PLCL1: variants seen among roughly 807,000 people sequenced by gnomAD.
The protein encoded by PLCL1 is phospholipase C like 1 (inactive).
A neutral mutation model predicts 84.4 loss-of-function variants in PLCL1; 41 were observed. That is an observed-to-expected ratio of 0.49 (90% CI 0.38 to 0.63). The LOEUF (loss-of-function observed/expected upper bound fraction) is 0.63, where lower values mean the gene tolerates loss of function less well. Among genes scored for constraint, PLCL1 ranks in the 30% least tolerant of loss-of-function variants. PLCL1 has a pLI of 0.00. For synonymous variants in PLCL1, 490 were observed against 488.3 expected (o/e 1.00, Z -0.05); for missense variants, 1,206 against 1,367.8 (o/e 0.88, Z 1.87).
chr2:197,836,322 C>T (rs1057261138), intron 1 of PLCL1, among the ~76,000 whole-genome samples: 1 of 151,654 alleles, frequency 6.6e-6, no homozygotes, highest in East Asian at 1.9e-4. Flanking sequence ...TGGTGGGCGC[C>T]TGTAGTCCCA....
intron 1 of PLCL1, among the ~76,000 whole-genome samples, chr2:197,849,279 G>T (rs951206096): frequency 2.3e-4 from 35 of 152,330 alleles, no homozygotes; most frequent in African/African-American, 6.3e-4. Context: ...TAGTGAGGCG[G>T]CTCATGCCTG....
rs1480910054 is a variant in PLCL1 at position 197,952,422 on chromosome 2, A to G, written c.241-131336A>G. ...GTTAGCACTTGGCTTTTAATTCACC[A>G]GATGAGTTAGTTGTGGATTGAAGGT... On this transcript the variant is annotated intron_variant, in intron 1 of 5. Transcript: ENST00000428675. 2.0e-5 allele frequency among the ~76,000 whole-genome samples: 3 copies of G among 152,190 alleles called. No homozygotes were observed. In the East Asian group the frequency reaches 5.8e-4, roughly 29 times the overall value.
chr2:197,815,299 A>G (rs1690665212), intron 1 of PLCL1, among the ~76,000 whole-genome samples: 1 of 152,186 alleles, frequency 6.6e-6, no homozygotes, highest in African/African-American at 2.4e-5. Context: ...TGAATGGAAC[A>G]ACAAAGCCTG....
chr2:197,992,133 A>G (rs1358980612), intron 1 of PLCL1, among the ~76,000 whole-genome samples: 1 of 152,060 alleles, frequency 6.6e-6, no homozygotes, highest in African/African-American at 2.4e-5. Context: ...TTACATATGT[A>G]TACATGTGCC....
intron 5 of PLCL1, among the ~76,000 whole-genome samples, chr2:198,119,464 GT>G (rs748748922): frequency 3.3e-5 from 5 of 151,896 alleles, no homozygotes; most frequent in Non-Finnish European, 7.4e-5. Flanking sequence ...CCTCAGTTCT[GT>G]TTCTTGGAAA....
chr2:197,824,161 A>G (rs1324942692), intron 1 of PLCL1, among the ~76,000 whole-genome samples: 2 of 152,058 alleles, frequency 1.3e-5, no homozygotes, highest in Non-Finnish European at 2.9e-5. Context: ...CTTCAAGTTG[A>G]TTGAAATTTT....
At chr2:197,815,838 G>A (rs1387312822) in intron 1 of PLCL1, among the ~76,000 whole-genome samples, 1 of 152,106 alleles carries the variant, frequency 6.6e-6, no homozygotes, top group African/African-American at 2.4e-5. Context: ...AGATGTGACT[G>A]AATTGCTTCC....
chr2:197,876,866 T>C (rs958532811), intron 1 of PLCL1, among the ~76,000 whole-genome samples: 1 of 152,182 alleles, frequency 6.6e-6, no homozygotes, highest in Non-Finnish European at 1.5e-5. Flanking sequence ...TTTTTAAAAA[T>C]AGGTTATGCT....
At chr2:197,862,981 T>C (rs1687460031) in intron 1 of PLCL1, among the ~76,000 whole-genome samples, 1 of 152,056 alleles carries the variant, frequency 6.6e-6, no homozygotes, top group African/African-American at 2.4e-5. Context: ...ACAGCTAGGG[T>C]CTATTACAAA....
chr2:198,056,910 A>G (rs1262749924), intron 1 of PLCL1, among the ~76,000 whole-genome samples: 1 of 152,156 alleles, frequency 6.6e-6, no homozygotes, highest in Admixed American at 6.5e-5. Context: ...TTCCATTTCA[A>G]TCAACGCTAT....
chr2:197,940,661 C>T (rs911716539), intron 1 of PLCL1, among the ~76,000 whole-genome samples: 2 of 152,216 alleles, frequency 1.3e-5, no homozygotes, highest in Non-Finnish European at 2.9e-5. Flanking sequence ...TACATTTCTT[C>T]ACTCTCTGGA....
chr2:197,810,503 A>G (rs1690562002), intron 1 of PLCL1, among the ~76,000 whole-genome samples: 2 of 152,340 alleles, frequency 1.3e-5, no homozygotes, highest in South Asian at 4.1e-4. Flanking sequence ...ATTGAGACTG[A>G]ATAGTGTTTT....
intron 1 of PLCL1, among the ~76,000 whole-genome samples, chr2:197,923,339 G>A (rs1488814227): frequency 1.4e-5 from 2 of 147,430 alleles, no homozygotes; most frequent in Non-Finnish European, 3.0e-5. Context: ...CTGCCGGGTG[G>A]AGAGGCTCCT....
intron 1 of PLCL1, among the ~76,000 whole-genome samples, chr2:197,846,934 G>A (rs1463894732): frequency 6.6e-6 from 1 of 152,134 alleles, no homozygotes; most frequent in Non-Finnish European, 1.5e-5. Flanking sequence ...TTGCTGATAT[G>A]AGACTTGTGG....
intron 5 of PLCL1, among the ~76,000 whole-genome samples, chr2:198,137,119 T>C (rs964342781): frequency 6.6e-6 from 1 of 152,140 alleles, no homozygotes; most frequent in Non-Finnish European, 1.5e-5. Flanking sequence ...CACCATATCA[T>C]GTAATGTACC....
At chr2:197,818,832 T>G (rs1462295876) in intron 1 of PLCL1, among the ~76,000 whole-genome samples, 1 of 152,064 alleles carries the variant, frequency 6.6e-6, no homozygotes, top group Non-Finnish European at 1.5e-5. Flanking sequence ...CTCCTGTTTG[T>G]GGAGAAAGAG....
At chr2:197,836,365 T>A (rs1000639369) in intron 1 of PLCL1, among the ~76,000 whole-genome samples, 2 of 135,822 alleles carry the variant, frequency 1.5e-5, no homozygotes, top group Non-Finnish European at 3.0e-5. Flanking sequence ...GAGAATGGCG[T>A]GAACCCGGGA....
chr2:197,883,995 C>T (rs1317882265), intron 1 of PLCL1, among the ~76,000 whole-genome samples: 1 of 152,152 alleles, frequency 6.6e-6, no homozygotes, highest in Non-Finnish European at 1.5e-5. Context: ...TTGTCTCTAT[C>T]TTAAGTTGTT....
intron 1 of PLCL1, among the ~76,000 whole-genome samples, chr2:197,808,235 A>C (rs769900290): frequency 6.6e-6 from 1 of 152,214 alleles, no homozygotes; most frequent in Non-Finnish European, 1.5e-5. Flanking sequence ...GCGCATTGTT[A>C]TATACCACAA....
Sources: allele counts gnomAD v4.1 joint callset (sites outside exome capture counted in the v4.1 genomes callset), GRCh38; gene constraint gnomAD v4.1.1; transcripts MANE v1.5; gene names NCBI Gene and HGNC (gene_info 2026-07-23, HGNC 2026-07-21).